Variants in GLIS3 observed in about 807,000 individuals in gnomAD.
GLIS3 encodes the protein GLIS family zinc finger 3.
Under a neutral mutation model 78.6 loss-of-function variants are expected in GLIS3, and 53 were observed. The ratio of observed to expected loss-of-function variants is 0.67; its 90% CI spans 0.54 to 0.85. The LOEUF is 0.85. Among genes scored for constraint, GLIS3 ranks in the 40% least tolerant of loss-of-function variants. The pLI is 0.00. For missense variants in GLIS3, 1,703 were observed against 1,231.1 expected, an observed-to-expected ratio of 1.38 and a Z score of -5.74; for synonymous variants, 684 against 509.9, an observed-to-expected ratio of 1.34 and a Z score of -4.60.
the GLIS3 span, among the ~76,000 whole-genome samples, chr9:4,368,083 G>T: frequency 2.0e-5 from 3 of 152,198 alleles, no homozygotes; most frequent in African/African-American, 4.8e-5. Context: ...GCTTATTCAT[G>T]TCAATGAACG....
the GLIS3 span, among the ~76,000 whole-genome samples, chr9:4,380,083 T>G: frequency 6.6e-6 from 1 of 152,288 alleles, no homozygotes; most frequent in Admixed American, 6.5e-5. Flanking sequence ...CATCAATATC[T>G]GCTCTATTCC....
chr9:4,286,445 A>G lies in GLIS3; in HGVS notation c.-20T>C. ...ATTCATTCTGAAAAACCTGTGGCCAAGACGGTCAAATATCCAATGTCACTA... is the reference window on the plus strand; with the variant it reads ...ATTCATTCTGAAAAACCTGTGGCCAGGACGGTCAAATATCCAATGTCACTA... On this transcript the variant is annotated 5_prime_UTR_variant, in exon 2 of 11. Transcript: ENST00000381971. The G allele has an allele frequency of 2.5e-6, 4 of 1,613,282 alleles. No individual in the cohort carries two copies. The highest frequency in any genetic ancestry group is 1.3e-5 in the African/African-American group (1 of 75,080).
chr9:4,084,415 A>G (rs922687748), intron 4 of GLIS3, among the ~76,000 whole-genome samples: 1 of 152,126 alleles, frequency 6.6e-6, no homozygotes, highest in Non-Finnish European at 1.5e-5. Context: ...AAATAATGGC[A>G]AATTGCTAAT....
intron 8 of GLIS3, among the ~76,000 whole-genome samples, chr9:3,859,202 A>G (rs1819993711): frequency 6.6e-6 from 1 of 152,174 alleles, no homozygotes; most frequent in Non-Finnish European, 1.5e-5. Flanking sequence ...TATTTGGTGC[A>G]AAAGCAAACA....
At chr9:3,837,155 G>T (rs1193977074) in intron 9 of GLIS3, among the ~76,000 whole-genome samples, 1 of 152,144 alleles carries the variant, frequency 6.6e-6, no homozygotes, top group Non-Finnish European at 1.5e-5. Context: ...GTCTGAAAAG[G>T]TGGCTATTTT....
intron 4 of GLIS3, among the ~76,000 whole-genome samples, chr9:4,000,115 T>C (rs1821029388): frequency 6.6e-6 from 1 of 152,156 alleles, no homozygotes; most frequent in Non-Finnish European, 1.5e-5. Flanking sequence ...TAAAATTTGG[T>C]ATAATTACTT....
intron 4 of GLIS3, among the ~76,000 whole-genome samples, chr9:3,944,044 A>G (rs553238401): frequency 3.0e-4 from 45 of 152,338 alleles, no homozygotes; most frequent in Admixed American, 2.6e-3. Flanking sequence ...AGGGTTACTG[A>G]AATGGACAGT....
chr9:4,321,421 C>CAAAAAAAAAAAAAAAAAAAAAAAAAAAA (rs35583742), intron 2 of GLIS3, among the ~76,000 whole-genome samples: 1 of 16,304 alleles, frequency 6.1e-5, no homozygotes, highest in Non-Finnish European at 1.1e-4. Context: ...GACTCCGTCT[C>CAAAAAAAAAAAAAAAAAAAAAAAAAAAA]AAAAAAAAAA....
At chr9:4,216,021 G>A (rs1041709637) in intron 2 of GLIS3, among the ~76,000 whole-genome samples, 7 of 152,092 alleles carry the variant, frequency 4.6e-5, no homozygotes, top group Middle Eastern at 6.8e-3. Context: ...GTCCAGTTGC[G>A]GCCTTCCTAA....
rs1219205064 is a variant in GLIS3, at chr9:4,299,562, T to C, written c.-240A>G. On this transcript the variant is annotated 5_prime_UTR_variant, in exon 1 of 11. Coordinates refer to ENST00000381971, the MANE Select transcript of GLIS3 (RefSeq NM_001042413.2). ...TTCAGAGCGCTCCGCGGGCTGTGCC[T>C]CCTTCGGAAATGAAAACCCCCATCC... The C allele has an allele frequency of 6.6e-6, 1 of 152,486 alleles. No homozygotes were observed. Among genetic ancestry groups the C allele is most frequent in the Non-Finnish European group, 1.5e-5 (1 of 68,014 alleles). The allele number at this position is 152,486 out of a possible 1,614,324, so 9.4% of individuals were successfully genotyped here.
chr9:4,252,910 A>G (rs1237218744), intron 2 of GLIS3, among the ~76,000 whole-genome samples: 1 of 152,190 alleles, frequency 6.6e-6, no homozygotes, highest in East Asian at 1.9e-4. Flanking sequence ...GCTCCACTCC[A>G]GACCCTGTTT....
chr9:4,374,211 T>C, the GLIS3 span, among the ~76,000 whole-genome samples: 1 of 152,296 alleles, frequency 6.6e-6, no homozygotes, highest in African/African-American at 2.4e-5. Flanking sequence ...CCATCAGGTA[T>C]TTCTCCTCCA....
chr9:4,387,504 G>A, the GLIS3 span, among the ~76,000 whole-genome samples: 4 of 152,318 alleles, frequency 2.6e-5, no homozygotes, highest in Admixed American at 6.5e-5. Context: ...ACATTCTAGA[G>A]ATGGCTGCAT....
chr9:4,018,814 T>G (rs751746680), intron 4 of GLIS3, among the ~76,000 whole-genome samples: 1 of 152,176 alleles, frequency 6.6e-6, no homozygotes, highest in Non-Finnish European at 1.5e-5. Flanking sequence ...GGAAAGAATA[T>G]AAATGGGGAC....
intron 2 of GLIS3, among the ~76,000 whole-genome samples, chr9:4,148,833 C>G (rs908728769): frequency 1.5e-4 from 23 of 152,164 alleles, no homozygotes; most frequent in African/African-American, 5.3e-4. Flanking sequence ...GTGGGGGTAA[C>G]GTGGCCAGAG....
intron 9 of GLIS3, among the ~76,000 whole-genome samples, chr9:3,852,200 A>G (rs959541793): frequency 1.3e-5 from 2 of 151,920 alleles, no homozygotes; most frequent in Non-Finnish European, 2.9e-5. Flanking sequence ...TGATAAAGGC[A>G]CCTGCATAGT....
chr9:4,407,917 G>A, the GLIS3 span, among the ~76,000 whole-genome samples: 3 of 150,794 alleles, frequency 2.0e-5, no homozygotes, highest in African/African-American at 7.3e-5. Context: ...AACTCTAAGA[G>A]GAAAAAAAAA....
chr9:4,142,889 G>C (rs1045235858), intron 2 of GLIS3, among the ~76,000 whole-genome samples: 1 of 152,072 alleles, frequency 6.6e-6, no homozygotes, highest in Non-Finnish European at 1.5e-5. Context: ...GAGAAATTTT[G>C]AGAAATCAAA....
chr9:3,840,533 A>G (rs1818647686), intron 9 of GLIS3, among the ~76,000 whole-genome samples: 2 of 152,242 alleles, frequency 1.3e-5, no homozygotes. Flanking sequence ...ACCAGCTTGC[A>G]AAGCACTCGA....
Sources: allele counts gnomAD v4.1 joint callset (sites outside exome capture counted in the v4.1 genomes callset), GRCh38; gene constraint gnomAD v4.1.1; transcripts MANE v1.5; gene names NCBI Gene and HGNC (gene_info 2026-07-23, HGNC 2026-07-21).